Variants in HELZ observed in about 807,000 individuals in gnomAD.
HELZ encodes the protein ATP-dependent RNA helicase with zinc finger domain.
HELZ carries 23 observed loss-of-function variants against 218.2 expected under a neutral mutation model. The ratio of observed to expected loss-of-function variants is 0.11; its 90% CI spans 0.08 to 0.15. The LOEUF (loss-of-function observed/expected upper bound fraction) is 0.15. Ranked by LOEUF, HELZ falls within the 10% of genes least tolerant of loss-of-function variation. HELZ has a pLI of 1.00. For synonymous variants in HELZ, 814 were observed against 829.4 expected (o/e 0.98, Z 0.32); for missense variants, 1,813 against 2,353.7 (o/e 0.77, Z 4.75).
chr17:67,074,679 C>T lies in HELZ; in HGVS notation c.*3573G>A, dbSNP rs2035973333. 6.6e-6 allele frequency: 1 copy of T among 152,056 alleles called. No homozygotes were observed. The highest frequency in any genetic ancestry group is 2.1e-4 in the South Asian group (1 of 4,820). The allele number at this position is 152,056 out of a possible 1,614,324, so 9.4% of individuals were successfully genotyped here. A position where few individuals can be genotyped will look rare whatever the true frequency, so the allele number is the denominator to read the frequency against. Reference sequence around the variant, plus strand: ...AAATTCATTAGCTTTCTCAGCAGCTCCAATGCCTCCATAAAAAAGGAGAGT... The same window carrying T: ...AAATTCATTAGCTTTCTCAGCAGCTTCAATGCCTCCATAAAAAAGGAGAGT... On this transcript the variant is annotated 3_prime_UTR_variant, in exon 33 of 33. Transcript: ENST00000358691.
At chr17:67,218,334 C>G (rs1230037154) in intron 4 of HELZ, among the ~76,000 whole-genome samples, 1 of 152,128 alleles carries the variant, frequency 6.6e-6, no homozygotes, top group African/African-American at 2.4e-5. Context: ...ATATATATAA[C>G]AAGAACCTAG....
At chr17:67,213,016 T>C (rs577630112) in intron 5 of HELZ, among the ~76,000 whole-genome samples, 1 of 152,188 alleles carries the variant, frequency 6.6e-6, no homozygotes, top group Non-Finnish European at 1.5e-5. Context: ...GCACCTAATT[T>C]TAAAATGCTA....
chr17:67,171,990 C>G (rs893952764), intron 13 of HELZ, among the ~76,000 whole-genome samples: 2 of 151,112 alleles, frequency 1.3e-5, no homozygotes, highest in East Asian at 3.9e-4. Flanking sequence ...CACCACCACA[C>G]CAGGCTAATT....
In HELZ at chr17:67,160,886, C is replaced by T. The variant is rs1308224342; in HGVS notation, c.2075+11G>A. 2.5e-6 allele frequency: 4 copies of T among 1,584,632 alleles called. No individual in the cohort carries two copies. The African/African-American group carries it at 4.1e-5, about 16-fold the overall frequency. On this transcript the variant is annotated intron_variant, in intron 16 of 32. Coordinates refer to ENST00000358691, the MANE Select transcript of HELZ (RefSeq NM_014877.4). The stretch of plus-strand genomic sequence containing the variant: ...ACCAGGGAAATATGAGCACGCTTCC[C>T]ACCCTCTCACCTAGTCTCCTGTTGC...
chr17:67,191,734 G>A (rs1200566617), intron 9 of HELZ, among the ~76,000 whole-genome samples: 1 of 148,028 alleles, frequency 6.8e-6, no homozygotes, highest in Non-Finnish European at 1.5e-5. Context: ...TTACAGGCAT[G>A]AGTCACCATG....
At chr17:67,148,517 C>T in intron 20 of HELZ, 52 bp downstream of exon 20, 1 of 1,540,386 alleles carries the variant, frequency 6.5e-7, no homozygotes, top group Middle Eastern at 1.7e-4. Context: ...TGAGTTCCCT[C>T]CTACTATCAG....
intron 15 of HELZ, among the ~76,000 whole-genome samples, chr17:67,163,148 T>C (rs537591649): frequency 6.6e-6 from 1 of 152,300 alleles, no homozygotes; most frequent in East Asian, 1.9e-4. Context: ...TTTAGAAAAA[T>C]AATTGAGCAA....
chr17:67,099,088 C>A (rs1399193432), intron 31 of HELZ, among the ~76,000 whole-genome samples: 1 of 152,180 alleles, frequency 6.6e-6, no homozygotes, highest in Non-Finnish European at 1.5e-5. Flanking sequence ...GGCCCCTAGG[C>A]TGTTTAAACA....
chr17:67,209,120 T>TA (rs200024507), intron 5 of HELZ, among the ~76,000 whole-genome samples: 27,476 of 137,570 alleles, frequency 0.2, 2,810 homozygotes, highest in African/African-American at 0.28. Context: ...CCTGGGGAAT[T>TA]AAAAAAAAAA....
intron 3 of HELZ, among the ~76,000 whole-genome samples, chr17:67,219,959 A>C (rs2040701581): frequency 6.6e-6 from 1 of 152,202 alleles, no homozygotes; most frequent in Non-Finnish European, 1.5e-5. Context: ...CCTGACATTC[A>C]CAATACTGCT....
chr17:67,093,039 G>A (rs7225628), intron 31 of HELZ, among the ~76,000 whole-genome samples: 118,026 of 152,154 alleles, frequency 0.78, 46,536 homozygotes, highest in East Asian at 0.98. Flanking sequence ...AGTCCCAGAT[G>A]AACAAGTTGA....
In HELZ at chr17:67,086,973, A is replaced by T; in HGVS notation, c.5350T>A (p.Cys1784Ser). Residue 1784 changes from cysteine to serine, a missense_variant, in exon 32 of 33, where the codon TGT becomes AGT. By Grantham distance (112) the Cys-to-Ser change is moderately radical. Coordinates refer to ENST00000358691, the MANE Select transcript of HELZ (RefSeq NM_014877.4). ...VSTPQDSLAQ[C>S]KELQDHSNQS... ...TTACTGTGGTCCTGAAGCTCTTTAC[A>T]CTGAGCCAGACTGTCTTGAGGAGTG... is the stretch of plus-strand genomic sequence containing the variant. 6.2e-7 allele frequency: 1 copy of T among 1,614,022 alleles called. No homozygotes were observed. The highest frequency in any genetic ancestry group is 8.5e-7 in the Non-Finnish European group (1 of 1,179,996).
chr17:67,210,763 A>G (rs2040428651), intron 5 of HELZ, among the ~76,000 whole-genome samples: 1 of 152,026 alleles, frequency 6.6e-6, no homozygotes, highest in South Asian at 2.1e-4. Flanking sequence ...CTCTACTAAA[A>G]ATACAAAAAT....
At position 67,218,683 on chromosome 17, in the gene HELZ, A is replaced by T; in HGVS notation, c.122T>A (p.Met41Lys). Residue 41 changes from methionine (M) to lysine (K), a missense_variant, in exon 4 of 33, where the codon ATG becomes AAG. Met to Lys is a moderately conservative substitution (Grantham distance 95). Around this residue, in one of 4 missense-constraint regions of HELZ, gnomAD observed 714 missense variants for 1,029.2 expected, o/e 0.69. Coordinates refer to ENST00000358691, the MANE Select transcript of HELZ (RefSeq NM_014877.4). ...EALLSLGQYS[M>K]ADFTGPCPLE... is the part of the protein sequence containing the mutation. ...TGGACAAGGCCCTGTGAAGTCTGCC[A>T]TGGAGTACTGGCCAAGAGAAAGAAG... 1.9e-6 allele frequency: 3 copies of T among 1,614,214 alleles called. No homozygotes were observed. The highest frequency in any genetic ancestry group is 2.5e-6 in the Non-Finnish European group (3 of 1,180,034).
chr17:67,229,519 C>T (rs1456188000), intron 3 of HELZ, among the ~76,000 whole-genome samples: 3 of 152,170 alleles, frequency 2.0e-5, no homozygotes, highest in African/African-American at 7.2e-5. Flanking sequence ...CTGCCCAACA[C>T]AACTATCTTA....
chr17:67,137,666 T>C (rs1397097950), intron 22 of HELZ, among the ~76,000 whole-genome samples: 1 of 152,234 alleles, frequency 6.6e-6, no homozygotes, highest in Non-Finnish European at 1.5e-5. Context: ...ATGACTGTAA[T>C]TCACAGCATA....
At chr17:67,244,128 G>A (rs1048746441) in intron 1 of HELZ, 1 of 400,722 alleles carries the variant, frequency 2.5e-6, no homozygotes, top group Non-Finnish European at 3.4e-6. Flanking sequence ...AGAAATGAAG[G>A]AGAGGAAATT....
Position 67,076,160 on chromosome 17 carries a change from G to C in HELZ, c.*2092C>G, listed in dbSNP as rs1385389875. 7.2e-5 allele frequency: 11 copies of C among 152,292 alleles called. No homozygotes were observed. The highest frequency in any genetic ancestry group is 5.9e-4 in the Admixed American group (9 of 15,258). The allele number at this position is 152,292 out of a possible 1,614,324, so 9.4% of individuals were successfully genotyped here. A position where few individuals can be genotyped will look rare whatever the true frequency, so the allele number is the denominator to read the frequency against. On this transcript the variant is annotated 3_prime_UTR_variant, in exon 33 of 33. Coordinates refer to ENST00000358691, the MANE Select transcript of HELZ (RefSeq NM_014877.4). ...TTTGAACATTTATCTAGCTTGCGTT[G>C]TAGTCCTGTATATGGGGGCTGGGGG...
chr17:67,139,013 CA>C (rs2038237718), intron 21 of HELZ, among the ~76,000 whole-genome samples: 1 of 151,952 alleles, frequency 6.6e-6, no homozygotes, highest in Non-Finnish European at 1.5e-5. Context: ...GTCAAGAGTC[CA>C]GGGGCATACA....
Sources: allele counts gnomAD v4.1 joint callset (sites outside exome capture counted in the v4.1 genomes callset), GRCh38; gene constraint gnomAD v4.1.1; regional missense constraint gnomAD v4.1.1; transcripts MANE v1.5; gene names NCBI Gene and HGNC (gene_info 2026-07-23, HGNC 2026-07-21).